Variants in AGBL1 observed in about 807,000 individuals in gnomAD.
The protein encoded by AGBL1 is AGBL carboxypeptidase 1.
Under a neutral mutation model 118.9 loss-of-function variants are expected in AGBL1, and 130 were observed. The observed-to-expected ratio is 1.09, with a 90% CI of 0.95 to 1.26. The LOEUF (loss-of-function observed/expected upper bound fraction) is 1.26. Ranked by LOEUF, AGBL1 falls within the 50% of genes most tolerant of loss-of-function variation. The pLI is 0.00. For missense variants in AGBL1, 1,584 were observed against 1,298.1 expected (o/e 1.22, Z -3.38); for synonymous variants, 555 against 478.9 (o/e 1.16, Z -2.08).
intron 21 of AGBL1, among the ~76,000 whole-genome samples, chr15:86,656,242 G>A (rs796068030): frequency 2.2e-4 from 33 of 152,294 alleles, no homozygotes; most frequent in African/African-American, 7.7e-4. Context: ...AAGTGGCAGA[G>A]GGTGAGAAAC....
intron 22 of AGBL1, among the ~76,000 whole-genome samples, chr15:86,695,030 A>T (rs1339824644): frequency 6.6e-6 from 1 of 152,048 alleles, no homozygotes; most frequent in African/African-American, 2.4e-5. Flanking sequence ...ATCTGTGTTC[A>T]TCAGGGATAT....
At chr15:86,111,129 C>T (rs537250746) in intron 1 of AGBL1, among the ~76,000 whole-genome samples, 7 of 152,346 alleles carry the variant, frequency 4.6e-5, no homozygotes, top group South Asian at 4.1e-4. Flanking sequence ...GCCAATGCCC[C>T]GGTTGGTCCT....
chr15:86,156,736 C>A (rs552618396), intron 4 of AGBL1, among the ~76,000 whole-genome samples: 1 of 151,838 alleles, frequency 6.6e-6, no homozygotes, highest in East Asian at 1.9e-4. Flanking sequence ...TTTCTAATTA[C>A]CCCAAGAACT....
rs1389363715 is a variant in AGBL1 at position 86,496,139 on chromosome 15, C to T, written c.2556-26671C>T. Among the ~76,000 whole-genome samples, 6 of 151,888 alleles carry T rather than the reference C, an allele frequency of 4.0e-5. No individual in the cohort carries two copies. In the East Asian group the frequency reaches 5.8e-4, roughly 15 times the overall value. On this transcript the variant is annotated intron_variant, in intron 18 of 22. Transcript: ENST00000614907. ...GTGGGAGGTGATTGGATCATGGGGGCGGTTTCCCCCATGCTGGTCTCATGA... is the reference window on the plus strand; with the variant it reads ...GTGGGAGGTGATTGGATCATGGGGGTGGTTTCCCCCATGCTGGTCTCATGA...
intron 14 of AGBL1, among the ~76,000 whole-genome samples, chr15:86,270,307 C>G (rs1436303674): frequency 6.6e-6 from 1 of 152,202 alleles, no homozygotes; most frequent in Non-Finnish European, 1.5e-5. Flanking sequence ...TTCCCTCGCT[C>G]TACCTTGAAC....
chr15:86,846,284 GT>G (rs2079316654), intron 22 of AGBL1, among the ~76,000 whole-genome samples: 1 of 152,122 alleles, frequency 6.6e-6, no homozygotes, highest in South Asian at 2.1e-4. Context: ...ATAGTTGACA[GT>G]TTTTTTGTGT....
rs749494375 is a variant in AGBL1 at position 86,397,459 on chromosome 15, G to T, written c.2468G>T (p.Ser823Ile). ...AAGGGTACCTTGGAGTTCCTGGTCA[G>T]CAGTGACCCTGTGGCTAGGCTCTTG... ...VMKGTLEFLV[S>I]SDPVARLLRE... The change falls in exon 18 of 23, where the codon AGC becomes ATC. Residue 823 changes from serine to isoleucine, a missense_variant. By Grantham distance (142) the Ser-to-Ile change is moderately radical (BLOSUM62 -2). Transcript: ENST00000614907. 6.2e-7 allele frequency: 1 copy of T among 1,613,038 alleles called. No individual in the cohort carries two copies. The highest frequency in any genetic ancestry group is 1.3e-5 in the African/African-American group (1 of 74,856).
intron 17 of AGBL1, among the ~76,000 whole-genome samples, chr15:86,365,595 A>G (rs1007068206): frequency 1.3e-5 from 2 of 152,138 alleles, no homozygotes; most frequent in Admixed American, 1.3e-4. Flanking sequence ...TTCTCTCTCT[A>G]TACCCATTTA....
intron 5 of AGBL1, among the ~76,000 whole-genome samples, chr15:86,196,879 G>GCACACACACA (rs59632011): frequency 9.7e-4 from 114 of 117,000 alleles, no homozygotes; most frequent in East Asian, 1.9e-3. Context: ...GCGCGCGCGC[G>GCACACACACA]CACACACACA....
chr15:86,467,036 T>A (rs2082416561), intron 18 of AGBL1, among the ~76,000 whole-genome samples: 1 of 152,238 alleles, frequency 6.6e-6, no homozygotes, highest in Non-Finnish European at 1.5e-5. Flanking sequence ...AGAACCCGCG[T>A]GCAGGAACAT....
In AGBL1 at chr15:86,846,524, T is replaced by G. The variant is rs186200557; in HGVS notation, c.3159-60563T>G. Among the ~76,000 whole-genome samples, 15 of 152,112 alleles carry G rather than the reference T, an allele frequency of 9.9e-5. No homozygotes were observed. In the East Asian group the frequency reaches 2.3e-3, roughly 24 times the overall value. On this transcript the variant is annotated intron_variant, in intron 22 of 22. Transcript: ENST00000614907. ...TTTAATCAAATTTGGGTAGTTTTTTTTTGTTGTTCTTTGTTTGTTTGTTTT... is the reference window on the plus strand; with the variant it reads ...TTTAATCAAATTTGGGTAGTTTTTTGTTGTTGTTCTTTGTTTGTTTGTTTT...
At chr15:86,850,448 A>G (rs933952146) in intron 22 of AGBL1, among the ~76,000 whole-genome samples, 36 of 152,288 alleles carry the variant, frequency 2.4e-4, no homozygotes, top group African/African-American at 8.7e-4. Context: ...TTATAAACAG[A>G]TCTTTGCCAA....
intron 24 of AGBL1, among the ~76,000 whole-genome samples, chr15:86,998,810 C>A (rs998351758): frequency 7.2e-5 from 11 of 152,050 alleles, no homozygotes; most frequent in African/African-American, 2.7e-4. Context: ...TTAGCTCAAC[C>A]TGCCCAAGGT....
intron 22 of AGBL1, among the ~76,000 whole-genome samples, chr15:86,748,433 C>T (rs1015767533): frequency 1.4e-4 from 21 of 146,542 alleles, no homozygotes; most frequent in Admixed American, 4.2e-4. Flanking sequence ...CTGTAGGTTG[C>T]CAGTTCACTC....
intron 23 of AGBL1, among the ~76,000 whole-genome samples, chr15:86,965,678 A>G (rs2081044082): frequency 6.6e-6 from 1 of 152,150 alleles, no homozygotes; most frequent in African/African-American, 2.4e-5. Flanking sequence ...CAGCCATAAA[A>G]AAGGATGAGT....
chr15:86,086,922 C>T (rs1289871530), intron 1 of AGBL1, among the ~76,000 whole-genome samples: 1 of 152,174 alleles, frequency 6.6e-6, no homozygotes, highest in African/African-American at 2.4e-5. Flanking sequence ...CTGCTTTGCA[C>T]ATTCCAGTAC....
At chr15:86,690,943 T>G (rs181817244) in intron 22 of AGBL1, among the ~76,000 whole-genome samples, 4 of 152,294 alleles carry the variant, frequency 2.6e-5, no homozygotes, top group Non-Finnish European at 1.5e-5. Context: ...ATTGTATTAT[T>G]AATCAGGGAA....
chr15:86,918,177 A>G (rs1402731101), downstream of AGBL1, among the ~76,000 whole-genome samples: 1 of 152,224 alleles, frequency 6.6e-6, no homozygotes, highest in Non-Finnish European at 1.5e-5. Flanking sequence ...CATAAACATG[A>G]ACCAGACCTT....
At chr15:86,518,090 C>T (rs77227470) in intron 18 of AGBL1, among the ~76,000 whole-genome samples, 3,427 of 152,234 alleles carry the variant, frequency 0.023, 70 homozygotes, top group Middle Eastern at 0.071. Flanking sequence ...GTCTGATGGG[C>T]TCTATCCCTC....
Sources: allele counts gnomAD v4.1 joint callset (sites outside exome capture counted in the v4.1 genomes callset), GRCh38; gene constraint gnomAD v4.1.1; transcripts MANE v1.5; gene names NCBI Gene and HGNC (gene_info 2026-07-23, HGNC 2026-07-21).